PLEKHG1: variants seen among roughly 807,000 people sequenced by gnomAD.
PLEKHG1 encodes the protein pleckstrin homology and RhoGEF domain containing G1.
Under a neutral mutation model 100.8 loss-of-function variants are expected in PLEKHG1, and 44 were observed. That is an observed-to-expected ratio of 0.44 (90% CI 0.34 to 0.56). The LOEUF (loss-of-function observed/expected upper bound fraction) is 0.56. Ranked by LOEUF, PLEKHG1 falls within the 20% of genes least tolerant of loss-of-function variation. The pLI is 0.01. For missense variants in PLEKHG1, 1,545 were observed against 1,720.9 expected (o/e 0.90, Z 1.81); for synonymous variants, 640 against 662.5 (o/e 0.97, Z 0.52).
chr6:150,839,371 C>A (rs1207872466), intron 15 of PLEKHG1, among the ~76,000 whole-genome samples: 6 of 152,150 alleles, frequency 3.9e-5, no homozygotes, highest in Non-Finnish European at 7.3e-5. Context: ...CTGGTTTGGC[C>A]TCCGAAAGTG....
intron 6 of PLEKHG1, among the ~76,000 whole-genome samples, chr6:150,801,427 C>CT (rs1562529984): frequency 6.8e-5 from 9 of 132,936 alleles, no homozygotes; most frequent in Non-Finnish European, 1.5e-5. Flanking sequence ...ATTCTTTTTT[C>CT]TTTTCTTTTC....
At chr6:150,760,048 T>TA (rs1784070378) in intron 2 of PLEKHG1, among the ~76,000 whole-genome samples, 1 of 152,182 alleles carries the variant, frequency 6.6e-6, no homozygotes, top group African/African-American at 2.4e-5. Context: ...AGTGAGGAGT[T>TA]AAAATTCAGA....
chr6:150,697,512 G>A (rs1309575662), intron 3 of PLEKHG1, among the ~76,000 whole-genome samples: 1 of 152,216 alleles, frequency 6.6e-6, no homozygotes, highest in Non-Finnish European at 1.5e-5. Flanking sequence ...TTGGGCAAGT[G>A]GTCCTGGTGT....
At chr6:150,714,436 G>A (rs1249507277) in intron 3 of PLEKHG1, among the ~76,000 whole-genome samples, 5 of 152,196 alleles carry the variant, frequency 3.3e-5, no homozygotes, top group Non-Finnish European at 7.3e-5. Flanking sequence ...AGTCTGGAAC[G>A]TGTGCCCTTC....
chr6:150,786,209 C>T (rs1346291628), intron 3 of PLEKHG1, among the ~76,000 whole-genome samples, 181 bp from the exon 5 acceptor site: 3 of 152,200 alleles, frequency 2.0e-5, no homozygotes, highest in African/African-American at 7.2e-5. Context: ...TCCCCTGCTC[C>T]ACCATGACCT....
At chr6:150,826,971 T>C (rs1000719484) in intron 14 of PLEKHG1, among the ~76,000 whole-genome samples, 5 of 151,880 alleles carry the variant, frequency 3.3e-5, no homozygotes, top group Admixed American at 3.3e-4. Context: ...TCTGTTTCTT[T>C]CTTCCTTCCT....
intron 3 of PLEKHG1, among the ~76,000 whole-genome samples, chr6:150,769,584 CAAAAAAA>C (rs5880898): frequency 1.6e-5 from 1 of 64,340 alleles, no homozygotes; most frequent in Non-Finnish European, 3.4e-5. Flanking sequence ...GACTCCATCT[CAAAAAAA>C]AAAAAAAAAA....
chr6:150,841,060 T>A, exon 16 of PLEKHG1: 1 of 707,206 alleles, frequency 1.4e-6, no homozygotes, highest in African/African-American at 1.7e-5. Context: ...TGGCTGACGA[T>A]GCAGCCCGGA....
intron 14 of PLEKHG1, among the ~76,000 whole-genome samples, chr6:150,824,144 G>A (rs143872855): frequency 3.9e-5 from 6 of 152,328 alleles, no homozygotes; most frequent in African/African-American, 4.8e-5. Context: ...AGGTGATGGC[G>A]TATGATCGAA....
intron 3 of PLEKHG1, among the ~76,000 whole-genome samples, chr6:150,665,533 G>A (rs1175890738): frequency 6.6e-6 from 1 of 152,070 alleles, no homozygotes; most frequent in African/African-American, 2.4e-5. Flanking sequence ...AGTAGGCTGA[G>A]GCAGGAGAAT....
At chr6:150,783,445 C>A (rs1785439508) in intron 3 of PLEKHG1, among the ~76,000 whole-genome samples, 2 of 151,544 alleles carry the variant, frequency 1.3e-5, no homozygotes, top group African/African-American at 4.9e-5. Flanking sequence ...TCTCGGCTCA[C>A]TGCAATCTCT....
upstream of PLEKHG1, among the ~76,000 whole-genome samples, chr6:150,719,295 C>CAA (rs5880896): frequency 1.4e-5 from 2 of 147,678 alleles, no homozygotes; most frequent in African/African-American, 5.0e-5. Context: ...TGGCAAAAAG[C>CAA]AAAAAAAAAA....
chr6:150,601,615 A>G (rs1776361533), intron 1 of PLEKHG1, among the ~76,000 whole-genome samples: 1 of 152,116 alleles, frequency 6.6e-6, no homozygotes, highest in Non-Finnish European at 1.5e-5. Flanking sequence ...CCACCAAACC[A>G]CCTGACTAAA....
intron 2 of PLEKHG1, 49 bp from the exon 4 acceptor site, chr6:150,768,589 C>A: frequency 1.0e-6 from 1 of 973,736 alleles, no homozygotes; most frequent in Non-Finnish European, 1.7e-6. Context: ...TTAAAGATGA[C>A]TTGGAAAGGA....
chr6:150,741,761 A>T (rs1782871192), intron 2 of PLEKHG1, among the ~76,000 whole-genome samples: 1 of 152,178 alleles, frequency 6.6e-6, no homozygotes, highest in Admixed American at 6.5e-5. Flanking sequence ...CTCCCCTTTG[A>T]CTATAACAGA....
At chr6:150,667,202 A>G (rs1446500044) in intron 3 of PLEKHG1, among the ~76,000 whole-genome samples, 4 of 152,142 alleles carry the variant, frequency 2.6e-5, no homozygotes, top group African/African-American at 9.7e-5. Context: ...GGTCTGCATC[A>G]CCTTTAGTTA....
At chr6:150,737,608 A>G (rs1237764551) in intron 2 of PLEKHG1, among the ~76,000 whole-genome samples, 1 of 152,128 alleles carries the variant, frequency 6.6e-6, no homozygotes, top group Non-Finnish European at 1.5e-5. Flanking sequence ...TTCTTTTAAA[A>G]CATAGAATAT....
At chr6:150,777,284 C>T (rs1396153415) in intron 3 of PLEKHG1, among the ~76,000 whole-genome samples, 3 of 141,178 alleles carry the variant, frequency 2.1e-5, no homozygotes, top group African/African-American at 5.3e-5. Context: ...GGTTGCACAT[C>T]AGCCACACTG....
chr6:150,786,212 C>T (rs1240275090), intron 3 of PLEKHG1, among the ~76,000 whole-genome samples, 178 bp from the exon 5 acceptor site: 2 of 152,198 alleles, frequency 1.3e-5, no homozygotes, highest in Non-Finnish European at 2.9e-5. Context: ...CCTGCTCCAC[C>T]ATGACCTTGG....
Sources: allele counts gnomAD v4.1 joint callset (sites outside exome capture counted in the v4.1 genomes callset), GRCh38; gene constraint gnomAD v4.1.1; transcripts MANE v1.5; gene names NCBI Gene and HGNC (gene_info 2026-07-23, HGNC 2026-07-21).